The following FCHO2 variants were observed in gnomAD, a reference collection of about 807,000 sequenced individuals.
FCHO2 encodes the protein F-BAR domain only protein 2.
FCHO2 carries 43 observed loss-of-function variants against 114.1 expected under a neutral mutation model. That is an observed-to-expected ratio of 0.38 (90% CI 0.30 to 0.49). The LOEUF is 0.49. Ranked by LOEUF, FCHO2 falls within the 20% of genes least tolerant of loss-of-function variation. The pLI, the probability that FCHO2 is intolerant of heterozygous loss-of-function variation, is 0.97. For missense variants in FCHO2, 807 were observed against 950.4 expected (o/e 0.85, Z 1.98); for synonymous variants, 293 against 315.2 (o/e 0.93, Z 0.75).
chr5:73,013,468 A>G (rs1285108451), intron 6 of FCHO2, among the ~76,000 whole-genome samples: 1 of 152,242 alleles, frequency 6.6e-6, no homozygotes, highest in Non-Finnish European at 1.5e-5. Flanking sequence ...AGGTTTGTAC[A>G]ATAGAAATGA....
chr5:73,048,915 C>T lies in FCHO2; in HGVS notation c.940-2434C>T, dbSNP rs1026502127. On this transcript the variant is annotated intron_variant, in intron 11 of 25. Coordinates refer to ENST00000430046, the MANE Select transcript of FCHO2 (RefSeq NM_138782.3). ...TTTTTGAGACGGAGTCTCGCTCTGTCGCCCAGGCTGGAGTGCAGTGGCGCG... is the reference window on the plus strand; with the variant it reads ...TTTTTGAGACGGAGTCTCGCTCTGTTGCCCAGGCTGGAGTGCAGTGGCGCG... 1.4e-3 allele frequency among the ~76,000 whole-genome samples: 180 copies of T among 126,648 alleles called. 2 individuals carry two copies. The highest frequency in any genetic ancestry group is 5.1e-3 in the African/African-American group (167 of 32,862). 83.1% of individuals were successfully genotyped at this position (126,648 alleles called of 152,430 possible). A position where few individuals can be genotyped will look rare whatever the true frequency, so the allele number is the denominator to read the frequency against.
rs761822430 is a variant in FCHO2 at position 73,082,800 on chromosome 5, T to C, written c.2220T>C (p.Ser740=). 1 of 1,607,218 alleles carries C rather than the reference T, an allele frequency of 6.2e-7. No homozygotes were observed. Among genetic ancestry groups the C allele is most frequent in the South Asian group, 1.1e-5 (1 of 89,564 alleles). ...TGAAAGCCTTTTGGAAATTGTCTAGTATTTCAGAAAAATCAGAAAATGGAG... is the reference window on the plus strand; with the variant it reads ...TGAAAGCCTTTTGGAAATTGTCTAGCATTTCAGAAAAATCAGAAAATGGAG... ...EQMKAFWKLS[S]ISEKSENGGS... is the part of the protein sequence containing the mutation. The change falls in exon 24 of 26, where the codon AGT becomes AGC. Residue 740 remains serine (S), a synonymous_variant. Transcript: ENST00000430046.
At chr5:72,982,206 C>T (rs536491835) in intron 2 of FCHO2, among the ~76,000 whole-genome samples, 10 of 152,200 alleles carry the variant, frequency 6.6e-5, no homozygotes, top group East Asian at 3.9e-4. Context: ...GGTGATGCCC[C>T]GTCCTGCTTC....
chr5:72,960,779 T>C (rs1438833702), intron 1 of FCHO2, among the ~76,000 whole-genome samples: 1 of 152,198 alleles, frequency 6.6e-6, no homozygotes, highest in Non-Finnish European at 1.5e-5. Context: ...CAAATAAGTA[T>C]GTAAAACATA....
At position 72,997,130 on chromosome 5, in the gene FCHO2, C is replaced by G. The variant is rs1051010018; in HGVS notation, c.495+6266C>G. On this transcript the variant is annotated intron_variant, in intron 5 of 25. Transcript: ENST00000430046. ...GCTGGATCCGGATGAGATACTTATT[C>G]ACTCCCACCATGATGGGGTCCTGAG... is the stretch of plus-strand genomic sequence containing the variant. The G allele has an allele frequency of 2.1e-5, 24 of 1,124,182 alleles. No homozygotes were observed. The African/African-American group carries it at 3.1e-4, about 14-fold the overall frequency. The allele number at this position is 1,124,182 out of a possible 1,614,324, so 69.6% of individuals were successfully genotyped here. A position where few individuals can be genotyped will look rare whatever the true frequency, so the allele number is the denominator to read the frequency against.
rs1296289595 is a variant in FCHO2 at position 72,959,977 on chromosome 5, G to A, written c.33+3848G>A. 3.9e-5 allele frequency among the ~76,000 whole-genome samples: 6 copies of A among 152,142 alleles called. No individual in the cohort carries two copies. The South Asian group carries it at 6.2e-4, about 16-fold the overall frequency. On this transcript the variant is annotated intron_variant, in intron 1 of 25. Coordinates refer to ENST00000430046, the MANE Select transcript of FCHO2 (RefSeq NM_138782.3). Reference sequence around the variant, plus strand: ...AAATTATTTGTGGAGATGAGATCTCGCTATGTTGCCCAGGCTGGTCTCGAA... The same window carrying A: ...AAATTATTTGTGGAGATGAGATCTCACTATGTTGCCCAGGCTGGTCTCGAA...
intron 19 of FCHO2, among the ~76,000 whole-genome samples, chr5:73,071,264 G>T (rs1373441108): frequency 1.3e-5 from 2 of 151,792 alleles, no homozygotes; most frequent in Non-Finnish European, 2.9e-5. Context: ...TAATTCTAAA[G>T]CTATCCAAAT....
Position 73,077,256 on chromosome 5 carries a change from A to T in FCHO2, c.1692-82A>T, listed in dbSNP as rs1380891579. 25 of 1,283,074 alleles carry T rather than the reference A, an allele frequency of 1.9e-5. No individual in the cohort carries two copies. In the East Asian group the frequency reaches 6.1e-4, roughly 31 times the overall value. 79.5% of individuals were successfully genotyped at this position (1,283,074 alleles called of 1,614,324 possible). On this transcript the variant is annotated intron_variant, in intron 20 of 25. Coordinates refer to ENST00000430046, the MANE Select transcript of FCHO2 (RefSeq NM_138782.3). ...GGTGCGTGTGTGTGTGCGCACGTGC[A>T]CGCGTGTGCCTTTTTAAACCAAATA...
intron 21 of FCHO2, 89 bp from the exon 22 acceptor site, chr5:73,078,091 T>G (rs1050486321): frequency 1.9e-4 from 191 of 993,426 alleles, no homozygotes; most frequent in Admixed American, 1.4e-3. Context: ...TTATTTCTAC[T>G]AGTTTTTCCT....
Position 72,959,736 on chromosome 5 carries a change from G to T in FCHO2, c.33+3607G>T, listed in dbSNP as rs78760848. Among the ~76,000 whole-genome samples, 522 of 151,832 alleles carry T rather than the reference G, an allele frequency of 3.4e-3. 1 individual carries two copies. Among genetic ancestry groups the T allele is most frequent in the African/African-American group, 0.012 (504 of 41,368 alleles). On this transcript the variant is annotated intron_variant, in intron 1 of 25. Transcript: ENST00000430046. ...GGTAGTGAGAACCTTTGATGTTTTA[G>T]GTCTGTCTTGTCTTGTCTTCTCTTC...
At chr5:73,053,187 G>A (rs1757413925) in intron 13 of FCHO2, among the ~76,000 whole-genome samples, 1 of 152,146 alleles carries the variant, frequency 6.6e-6, no homozygotes, top group Non-Finnish European at 1.5e-5. Flanking sequence ...GAAGAATAAA[G>A]GTTCTCACCG....
intron 16 of FCHO2, among the ~76,000 whole-genome samples, chr5:73,056,580 G>A (rs1757606278): frequency 6.6e-6 from 1 of 152,030 alleles, no homozygotes; most frequent in African/African-American, 2.4e-5. Flanking sequence ...CAATGTTGGA[G>A]TTTTTAGAAG....
At chr5:73,033,454 T>A (rs1756338534) in intron 8 of FCHO2, among the ~76,000 whole-genome samples, 2 of 152,128 alleles carry the variant, frequency 1.3e-5, no homozygotes, top group African/African-American at 4.8e-5. Context: ...AAATCTTTCT[T>A]GTTAATCAAT....
At chr5:73,024,834 G>A (rs1755831077) in intron 8 of FCHO2, among the ~76,000 whole-genome samples, 1 of 152,132 alleles carries the variant, frequency 6.6e-6, no homozygotes, top group South Asian at 2.1e-4. Context: ...ACATGAGATA[G>A]TCTACATTTA....
At chr5:72,968,140 A>G (rs949594222) in intron 1 of FCHO2, among the ~76,000 whole-genome samples, 5 of 150,780 alleles carry the variant, frequency 3.3e-5, no homozygotes, top group African/African-American at 1.2e-4. Context: ...TAGCCAGGAT[A>G]GTCTCGACCT....
chr5:72,997,323 G>A (rs1241207576), intron 5 of FCHO2: 1 of 1,568,012 alleles, frequency 6.4e-7, no homozygotes, highest in Non-Finnish European at 8.8e-7. Context: ...GAGATCTATG[G>A]CTCTGCTGTG....
At chr5:72,995,514 C>T (rs1281383444) in intron 5 of FCHO2, among the ~76,000 whole-genome samples, 1 of 152,142 alleles carries the variant, frequency 6.6e-6, no homozygotes, top group East Asian at 1.9e-4. Flanking sequence ...CCTTGGCCTC[C>T]CAAAGTGCTG....
chr5:72,990,389 A>G, intron 3 of FCHO2, 89 bp from the exon 4 acceptor site: 1 of 977,520 alleles, frequency 1.0e-6, no homozygotes, highest in Non-Finnish European at 1.5e-6. Flanking sequence ...TGCCATATAT[A>G]CCACTATTAT....
At chr5:72,993,183 C>T (rs564326241) in intron 5 of FCHO2, among the ~76,000 whole-genome samples, 55 of 151,192 alleles carry the variant, frequency 3.6e-4, no homozygotes, top group Non-Finnish European at 5.2e-4. Context: ...AGAAATTAAA[C>T]GTAATGAAAC....
Sources: allele counts gnomAD v4.1 joint callset (sites outside exome capture counted in the v4.1 genomes callset), GRCh38; gene constraint gnomAD v4.1.1; transcripts MANE v1.5; gene names NCBI Gene and HGNC (gene_info 2026-07-23, HGNC 2026-07-21).